Variants in FSTL5 observed in about 807,000 individuals in gnomAD.
FSTL5 encodes follistatin-related protein 5.
Under a neutral mutation model 89.1 loss-of-function variants are expected in FSTL5, and 62 were observed. That is an observed-to-expected ratio of 0.70 (90% CI 0.57 to 0.86). The LOEUF (loss-of-function observed/expected upper bound fraction) is 0.86, where lower values mean the gene tolerates loss of function less well. Ranked by LOEUF, FSTL5 falls within the 40% of genes least tolerant of loss-of-function variation. The pLI, the probability that FSTL5 is intolerant of heterozygous loss-of-function variation, is 0.00. For missense variants in FSTL5, 1,057 were observed against 1,001.6 expected (o/e 1.06, Z -0.75); for synonymous variants, 383 against 346.2 (o/e 1.11, Z -1.18).
At chr4:162,019,017 T>C (rs981645753) in intron 3 of FSTL5, among the ~76,000 whole-genome samples, 2 of 152,136 alleles carry the variant, frequency 1.3e-5, no homozygotes, top group Non-Finnish European at 2.9e-5. Context: ...TGTTGCAGGA[T>C]CTGCAGCCCT....
intron 7 of FSTL5, among the ~76,000 whole-genome samples, chr4:161,644,504 C>T (rs994167980): frequency 1.5e-5 from 2 of 131,486 alleles, no homozygotes; most frequent in African/African-American, 5.9e-5. Context: ...GCAGCCAGGG[C>T]AATAAGAATG....
At chr4:161,514,574 G>A (rs1324512322) in intron 10 of FSTL5, among the ~76,000 whole-genome samples, 1 of 152,084 alleles carries the variant, frequency 6.6e-6, no homozygotes, top group African/African-American at 2.4e-5. Flanking sequence ...ATAGATCCAT[G>A]TAACAAAACT....
chr4:161,536,114 G>A (rs1220274797), intron 10 of FSTL5, among the ~76,000 whole-genome samples: 1 of 152,016 alleles, frequency 6.6e-6, no homozygotes, highest in Non-Finnish European at 1.5e-5. Context: ...GGAGGCATGG[G>A]CTGAAAGATA....
chr4:161,613,420 A>C lies in FSTL5; in HGVS notation c.895-25845T>G, dbSNP rs1460069021. The stretch of plus-strand genomic sequence containing the variant: ...AGCCGAGATGGTGCCACTGCACTCC[A>C]GTCTGGCGACAGAGTGAGTCTCCGT... On this transcript the variant is annotated intron_variant, in intron 7 of 15. Transcript: ENST00000306100. Among the ~76,000 whole-genome samples the C allele has an allele frequency of 7.3e-5, 11 of 151,430 alleles. No homozygotes were observed. In the East Asian group the frequency reaches 2.1e-3, roughly 30 times the overall value.
At chr4:161,948,990 C>T (rs1383222175) in intron 3 of FSTL5, among the ~76,000 whole-genome samples, 1 of 152,106 alleles carries the variant, frequency 6.6e-6, no homozygotes, top group Non-Finnish European at 1.5e-5. Flanking sequence ...TCTCCTACAG[C>T]TCTGGAGGTT....
chr4:161,727,488 A>AGCTG (rs1169766878), intron 6 of FSTL5, among the ~76,000 whole-genome samples: 1 of 152,176 alleles, frequency 6.6e-6, no homozygotes, highest in Non-Finnish European at 1.5e-5. Context: ...AATAGAGTGA[A>AGCTG]GCTGGTCAAT....
chr4:161,727,628 C>A (rs1012179292), intron 6 of FSTL5, among the ~76,000 whole-genome samples: 4 of 152,124 alleles, frequency 2.6e-5, no homozygotes, highest in Non-Finnish European at 5.9e-5. Flanking sequence ...TGCATTTTTG[C>A]ATGGAATTTG....
chr4:161,826,109 T>C (rs111555006), intron 4 of FSTL5, among the ~76,000 whole-genome samples: 1 of 152,168 alleles, frequency 6.6e-6, no homozygotes, highest in East Asian at 1.9e-4. Flanking sequence ...AAGAAGTTTT[T>C]AATTTTCATC....
intron 15 of FSTL5, among the ~76,000 whole-genome samples, chr4:161,450,504 T>C (rs1373266057): frequency 1.3e-5 from 2 of 152,156 alleles, no homozygotes; most frequent in Non-Finnish European, 2.9e-5. Context: ...AAGTTAACAA[T>C]AGTAGAATTA....
chr4:162,105,080 TTTA>T (rs1217053247), intron 2 of FSTL5, among the ~76,000 whole-genome samples: 1 of 152,174 alleles, frequency 6.6e-6, no homozygotes, highest in Admixed American at 6.5e-5. Flanking sequence ...CCTCCCCAGA[TTTA>T]TTGACGTAAA....
intron 3 of FSTL5, among the ~76,000 whole-genome samples, chr4:162,029,182 TG>T (rs1271611510): frequency 6.6e-6 from 1 of 151,718 alleles, no homozygotes; most frequent in African/African-American, 2.4e-5. Flanking sequence ...TGTGTGTGTG[TG>T]TGTGCGTGTG....
rs190541712 is a variant in FSTL5, at chr4:161,632,348, C to T, written c.894+23980G>A. Among the ~76,000 whole-genome samples the T allele has an allele frequency of 2.4e-3, 362 of 152,148 alleles. 1 individual carries two copies. The highest frequency in any genetic ancestry group is 3.5e-3 in the Non-Finnish European group (237 of 68,010). On this transcript the variant is annotated intron_variant, in intron 7 of 15. Coordinates refer to ENST00000306100, the MANE Select transcript of FSTL5 (RefSeq NM_020116.5). ...TGAGCAGAGATCACGCCACTGTGTTCGAGCCCTGGCGACAGACTGAGACTC... is the reference window on the plus strand; with the variant it reads ...TGAGCAGAGATCACGCCACTGTGTTTGAGCCCTGGCGACAGACTGAGACTC...
At chr4:162,159,778 A>G (rs905125399) in intron 1 of FSTL5, among the ~76,000 whole-genome samples, 1 of 151,998 alleles carries the variant, frequency 6.6e-6, no homozygotes, top group African/African-American at 2.4e-5. Context: ...ATGTGGTGCT[A>G]TAAACTCTTC....
intron 1 of FSTL5, among the ~76,000 whole-genome samples, chr4:162,129,749 T>C (rs1347661925): frequency 6.6e-6 from 1 of 152,254 alleles, no homozygotes; most frequent in African/African-American, 2.4e-5. Context: ...AATTTTATTC[T>C]GTCTGTTTTA....
intron 4 of FSTL5, among the ~76,000 whole-genome samples, chr4:161,824,480 G>T (rs567634454): frequency 6.6e-6 from 1 of 152,208 alleles, no homozygotes; most frequent in Admixed American, 6.5e-5. Context: ...GCTTAGTCTT[G>T]CTTTGGCTAT....
At chr4:161,632,521 G>C (rs964116845) in intron 7 of FSTL5, among the ~76,000 whole-genome samples, 7 of 152,190 alleles carry the variant, frequency 4.6e-5, no homozygotes, top group African/African-American at 1.7e-4. Flanking sequence ...ACATGGCTAA[G>C]TAAATAACCT....
At chr4:161,947,162 G>T (rs1742714912) in intron 3 of FSTL5, among the ~76,000 whole-genome samples, 1 of 151,420 alleles carries the variant, frequency 6.6e-6, no homozygotes, top group Non-Finnish European at 1.5e-5. Flanking sequence ...GTGTGTGTGT[G>T]CATCTTACTC....
intron 7 of FSTL5, among the ~76,000 whole-genome samples, chr4:161,598,264 A>G (rs1281000352): frequency 6.6e-6 from 1 of 152,058 alleles, no homozygotes; most frequent in Non-Finnish European, 1.5e-5. Context: ...AATCGCAGCT[A>G]CTTGGGAGGC....
chr4:161,414,937 C>A (rs1731720620), intron 15 of FSTL5, among the ~76,000 whole-genome samples: 1 of 152,082 alleles, frequency 6.6e-6, no homozygotes, highest in Non-Finnish European at 1.5e-5. Flanking sequence ...TACTGCTTTT[C>A]TTTGTTTCTT....
Sources: allele counts gnomAD v4.1 joint callset (sites outside exome capture counted in the v4.1 genomes callset), GRCh38; gene constraint gnomAD v4.1.1; transcripts MANE v1.5; gene names NCBI Gene and HGNC (gene_info 2026-07-23, HGNC 2026-07-21).